The following ZNF710 variants were observed in gnomAD, a reference collection of about 807,000 sequenced individuals.
The protein encoded by ZNF710 is zinc finger protein 710.
Under a neutral mutation model 50.6 loss-of-function variants are expected in ZNF710, and 13 were observed. That is an observed-to-expected ratio of 0.26 (90% confidence interval 0.17 to 0.41). The LOEUF (loss-of-function observed/expected upper bound fraction) is 0.41, where lower values mean the gene tolerates loss of function less well. ZNF710 is among the 10% of genes least tolerant of loss of function. The pLI is 1.00. For missense variants in ZNF710, 721 were observed against 936.6 expected, an observed-to-expected ratio of 0.77 and a Z score of 3.01; for synonymous variants, 383 against 397.0, an observed-to-expected ratio of 0.96 and a Z score of 0.42.
chr15:90,006,197 G>A (rs1455806998), intron 1 of ZNF710, among the ~76,000 whole-genome samples: 1 of 152,128 alleles, frequency 6.6e-6, no homozygotes, highest in Non-Finnish European at 1.5e-5. Flanking sequence ...CAGAGTGGCT[G>A]TTGTGAGATT....
chr15:90,031,553 A>C (rs1482589002), intron 1 of ZNF710, among the ~76,000 whole-genome samples: 1 of 152,242 alleles, frequency 6.6e-6, no homozygotes, highest in African/African-American at 2.4e-5. Context: ...CTGGTCTCTC[A>C]ACACCAGGTC....
rs751727239 is a variant in ZNF710 at position 90,067,646 on chromosome 15, C to T, written c.509C>T (p.Thr170Met). The change falls in exon 2 of 5, where the codon ACG (threonine) becomes ATG (methionine). Residue 170 changes from threonine to methionine, a missense_variant. Physicochemically the swap from Thr to Met is moderately conservative, Grantham distance 81. Coordinates refer to ENST00000268154, the MANE Select transcript of ZNF710 (RefSeq NM_198526.4). This position sits in a 1 kb window ranked among gnomAD's most constrained non-coding sequence, Gnocchi z 8.1. The stretch of plus-strand genomic sequence containing the variant: ...AGCGCCTTCAGCCGCAAGCCCCGGA[C>T]GCTCCGGCATCTGCCCCGAACCCCG... ...DLSAFSRKPRTLRHLPRTPRP... is the reference protein window; with the variant it reads ...DLSAFSRKPRMLRHLPRTPRP... The T allele has an allele frequency of 4.4e-5, 71 of 1,612,900 alleles. No homozygotes were observed. Among genetic ancestry groups the T allele is most frequent in the Admixed American group, 2.7e-4 (16 of 59,938 alleles).
intron 1 of ZNF710, among the ~76,000 whole-genome samples, chr15:90,021,000 G>A (rs897384484): frequency 2.1e-4 from 22 of 107,020 alleles, no homozygotes; most frequent in Middle Eastern, 4.3e-3. Context: ...CTGTGAGAGA[G>A]GGTGTGGCAC....
intron 1 of ZNF710, among the ~76,000 whole-genome samples, chr15:90,007,849 T>A (rs1485034484): frequency 1.3e-5 from 2 of 151,922 alleles, no homozygotes; most frequent in African/African-American, 2.4e-5. Context: ...CAGTTGTTCA[T>A]GTAAAACATA....
chr15:90,032,915 A>G (rs1386373495), intron 1 of ZNF710, among the ~76,000 whole-genome samples: 1 of 150,684 alleles, frequency 6.6e-6, no homozygotes, highest in Non-Finnish European at 1.5e-5. Context: ...CTAAAAAAAG[A>G]AAAAAAAAGT....
At chr15:90,052,011 G>A (rs1036316667) in intron 1 of ZNF710, among the ~76,000 whole-genome samples, 7 of 152,110 alleles carry the variant, frequency 4.6e-5, no homozygotes, top group African/African-American at 7.2e-5. Context: ...CACCTGCAGA[G>A]GAAGGGGCTG....
chr15:90,075,673 T>G (rs1053632180), intron 4 of ZNF710: 1 of 152,154 alleles, frequency 6.6e-6, no homozygotes, highest in Non-Finnish European at 1.5e-5. Flanking sequence ...TTAACTCTGG[T>G]TTTGGAACAG....
Position 90,030,973 on chromosome 15 carries a change from C to T in ZNF710, c.-29+29359C>T, listed in dbSNP as rs578207711. The stretch of plus-strand genomic sequence containing the variant: ...GGCGGAGCTTGCAGTGAGCCGAGAT[C>T]CCGCCACTGCACTCCAGCCTGGGCG... On this transcript the variant is annotated intron_variant, in intron 1 of 4. Transcript: ENST00000268154. 2.2e-4 allele frequency among the ~76,000 whole-genome samples: 32 copies of T among 147,892 alleles called. No homozygotes were observed. In the East Asian group the frequency reaches 6.0e-3, roughly 28 times the overall value.
chr15:90,021,856 C>G (rs1191308680), intron 1 of ZNF710, among the ~76,000 whole-genome samples: 4 of 152,150 alleles, frequency 2.6e-5, no homozygotes, highest in African/African-American at 9.7e-5. Flanking sequence ...GAGGCTGAGG[C>G]AGGCGGATCA....
chr15:90,017,084 C>T (rs1898477619), intron 1 of ZNF710, among the ~76,000 whole-genome samples: 2 of 152,208 alleles, frequency 1.3e-5, no homozygotes, highest in South Asian at 4.1e-4. Flanking sequence ...CATTTCCTGG[C>T]TCCCTAAGCT....
chr15:90,039,872 T>C (rs182480914), intron 1 of ZNF710, among the ~76,000 whole-genome samples: 118 of 152,304 alleles, frequency 7.7e-4, no homozygotes, highest in African/African-American at 2.7e-3. Context: ...AAGAAAAAAG[T>C]GCCTGGGACA....
Position 90,079,681 on chromosome 15 carries a change from G to T in ZNF710, c.1847G>T (p.Gly616Val). The T allele has an allele frequency of 6.2e-7, 1 of 1,613,864 alleles. No individual in the cohort carries two copies. The stretch of plus-strand genomic sequence containing the variant: ...ACAGACCCCATGATGGAGCTGACAG[G>T]CACTGACCCTTCAGAGCTCGACGGC... ...DSQDPMMELT[G>V]TDPSELDGQQ... Residue 616 changes from glycine to valine, a missense_variant, in exon 5 of 5, where the codon GGC becomes GTC. Around this residue, in one of 3 missense-constraint regions of ZNF710, gnomAD observed 69 missense variants for 67.6 expected, o/e 1.02. Transcript: ENST00000268154.
At chr15:90,017,960 A>G (rs1898499856) in intron 1 of ZNF710, among the ~76,000 whole-genome samples, 1 of 151,236 alleles carries the variant, frequency 6.6e-6, no homozygotes, top group South Asian at 2.1e-4. Context: ...GCTCCAGGGC[A>G]TCTCTCTTAG....
rs1047553630 is a variant in ZNF710, at chr15:90,059,366, G to A, written c.-28-7744G>A. Among the ~76,000 whole-genome samples the A allele has an allele frequency of 1.3e-4, 20 of 152,246 alleles. No homozygotes were observed. The highest frequency in any genetic ancestry group is 2.1e-4 in the Non-Finnish European group (14 of 68,036). On this transcript the variant is annotated intron_variant, in intron 1 of 4. Coordinates refer to ENST00000268154, the MANE Select transcript of ZNF710 (RefSeq NM_198526.4). The surrounding 1 kb of genome is among the most constrained non-coding windows in gnomAD (Gnocchi z 4.1). ...AGGCTGTGGGGGCTGCGGGGCCGGA[G>A]ACCTGCATTCTAGCCCTTGCTCCCC...
intron 1 of ZNF710, among the ~76,000 whole-genome samples, chr15:90,008,441 C>CATATATATATATACATATATATATAT (rs1011267136): frequency 1.6e-5 from 2 of 126,510 alleles, no homozygotes; most frequent in African/African-American, 7.6e-5. Context: ...TATATATATA[C>CATATATATATATACATATATATATAT]ATATATATAT....
intron 1 of ZNF710, among the ~76,000 whole-genome samples, chr15:90,007,582 A>G (rs1024492567): frequency 2.0e-5 from 3 of 152,078 alleles, no homozygotes; most frequent in East Asian, 3.9e-4. Flanking sequence ...CTTGTTATAC[A>G]GCACATGCGA....
In ZNF710 at chr15:90,067,600, G is replaced by C; in HGVS notation, c.463G>C (p.Ala155Pro). 6.2e-7 allele frequency: 1 copy of C among 1,610,514 alleles called. No homozygotes were observed. Among genetic ancestry groups the C allele is most frequent in the Non-Finnish European group, 8.5e-7 (1 of 1,178,628 alleles). The change falls in exon 2 of 5, where the codon GCC (alanine) becomes CCC (proline). Residue 155 changes from alanine to proline, a missense_variant. Coordinates refer to ENST00000268154, the MANE Select transcript of ZNF710 (RefSeq NM_198526.4). The surrounding 1 kb of genome is among the most constrained non-coding windows in gnomAD (Gnocchi z 8.1). The part of the protein sequence containing the change: ...GGCDALVQSS[A>P]VKMIDLSAFS... ...CTGCGACGCCCTGGTGCAGAGCAGCGCCGTCAAGATGATCGACCTCAGCGC... is the reference window on the plus strand; with the variant it reads ...CTGCGACGCCCTGGTGCAGAGCAGCCCCGTCAAGATGATCGACCTCAGCGC...
chr15:90,025,622 A>G (rs1400303766), intron 1 of ZNF710: 1 of 152,204 alleles, frequency 6.6e-6, no homozygotes, highest in Admixed American at 6.5e-5. Flanking sequence ...ACATAACATT[A>G]TGGCAAACAA....
rs1898492265 is a variant in ZNF710, at chr15:90,017,663, T to C, written c.-29+16049T>C. Among the ~76,000 whole-genome samples, 5 of 152,018 alleles carry C rather than the reference T, an allele frequency of 3.3e-5. No individual in the cohort carries two copies. In the South Asian group the frequency reaches 1.0e-3, roughly 32 times the overall value. On this transcript the variant is annotated intron_variant, in intron 1 of 4. Transcript: ENST00000268154. ...CCTAATGACCCATCCTGTCCACTTT[T>C]GTTTGGTTACTTGGTGAAGGTGGGA...
Sources: gnomAD v4.1 joint callset for allele counts (sites outside exome capture counted in the v4.1 genomes callset) on GRCh38, gnomAD v4.1.1 for gene constraint, gnomAD v4.1.1 regional missense constraint, Gnocchi (gnomAD v3.1) non-coding constraint, MANE v1.5 for transcripts, NCBI Gene and HGNC (gene_info 2026-07-23, HGNC 2026-07-21) for gene names.